The following FAT3 variants were observed in gnomAD, a reference collection of about 807,000 sequenced individuals.
FAT3 encodes protocadherin Fat 3.
FAT3 carries 95 observed loss-of-function variants against 310.2 expected under a neutral mutation model. That is an observed-to-expected ratio of 0.31 (90% CI 0.26 to 0.36). FAT3 has a LOEUF of 0.36. Among genes scored for constraint, FAT3 ranks in the 10% least tolerant of loss-of-function variants. The pLI is 1.00. For missense variants in FAT3, 5,408 were observed against 5,715.6 expected, an observed-to-expected ratio of 0.95 and a Z score of 1.74; for synonymous variants, 2,314 against 2,192.9, an observed-to-expected ratio of 1.06 and a Z score of -1.54.
In FAT3 at chr11:92,800,418, G is replaced by A; in HGVS notation, c.7405G>A (p.Val2469Met). The change falls in exon 10 of 28, where the codon GTG (valine) becomes ATG (methionine). Residue 2469 changes from valine to methionine, a missense_variant. Coordinates refer to ENST00000525166, the MANE Select transcript of FAT3 (RefSeq NM_001367949.2). ...QRMEPLYSLN[V>M]SVSDGLFTST... ...GATGGAGCCTCTGTACAGTCTCAAT[G>A]TGTCTGTCTCTGATGGGTTGTTCAC... The A allele has an allele frequency of 1.2e-6, 2 of 1,613,968 alleles. No individual in the cohort carries two copies. The highest frequency in any genetic ancestry group is 1.3e-5 in the African/African-American group (1 of 75,042).
intron 1 of FAT3, among the ~76,000 whole-genome samples, chr11:92,229,059 CAGACTT>C (rs1353857516): frequency 1.3e-5 from 2 of 152,174 alleles, no homozygotes; most frequent in African/African-American, 4.8e-5. Context: ...AGGGATCTGA[CAGACTT>C]AGAGTGAAGG....
chr11:92,575,503 A>G (rs190755766), intron 3 of FAT3, among the ~76,000 whole-genome samples: 2 of 152,288 alleles, frequency 1.3e-5, no homozygotes, highest in East Asian at 1.9e-4. Context: ...AAGTATATCA[A>G]TCCTCTCTAA....
chr11:92,763,271 C>G (rs545637164), intron 5 of FAT3, among the ~76,000 whole-genome samples: 1 of 152,186 alleles, frequency 6.6e-6, no homozygotes, highest in East Asian at 1.9e-4. Flanking sequence ...TATCCTTTCT[C>G]TCCTGTGGTC....
chr11:92,276,906 TTAAC>T (rs1261008164), intron 1 of FAT3, among the ~76,000 whole-genome samples: 1 of 152,202 alleles, frequency 6.6e-6, no homozygotes, highest in Non-Finnish European at 1.5e-5. Flanking sequence ...ACTAACTTTC[TTAAC>T]TAACCCATTT....
intron 4 of FAT3, among the ~76,000 whole-genome samples, chr11:92,727,545 A>G (rs1460084789): frequency 6.6e-6 from 1 of 152,134 alleles, no homozygotes; most frequent in Non-Finnish European, 1.5e-5. Context: ...TATAATAGAA[A>G]ATGCAGTCTG....
intron 1 of FAT3, among the ~76,000 whole-genome samples, chr11:92,295,736 C>A (rs1446515752): frequency 6.6e-6 from 1 of 152,040 alleles, no homozygotes. Context: ...TGGGATGAAG[C>A]CAGCTGCTTT....
intron 2 of FAT3, among the ~76,000 whole-genome samples, chr11:92,398,458 G>A (rs1591228166): frequency 7.2e-6 from 1 of 138,844 alleles, no homozygotes; most frequent in African/African-American, 2.7e-5. Context: ...CTGGGATGAT[G>A]CCATTGTACT....
intron 22 of FAT3, among the ~76,000 whole-genome samples, chr11:92,870,515 C>G (rs1949359584): frequency 6.6e-6 from 1 of 152,110 alleles, no homozygotes; most frequent in South Asian, 2.1e-4. Flanking sequence ...ATAGCAACCA[C>G]TGTGGAGAAG....
intron 3 of FAT3, among the ~76,000 whole-genome samples, chr11:92,561,574 G>T (rs1389135188): frequency 6.6e-6 from 1 of 151,680 alleles, no homozygotes; most frequent in African/African-American, 2.4e-5. Flanking sequence ...TTTCAAACTG[G>T]CATCAACATT....
intron 1 of FAT3, among the ~76,000 whole-genome samples, chr11:92,321,364 G>A (rs1428864350): frequency 6.6e-6 from 1 of 151,786 alleles, no homozygotes; most frequent in Admixed American, 6.6e-5. Flanking sequence ...GTGAACCCGA[G>A]AGGCGGAGCT....
chr11:92,771,402 A>T (rs1946452138), intron 6 of FAT3, among the ~76,000 whole-genome samples: 1 of 152,080 alleles, frequency 6.6e-6, no homozygotes, highest in African/African-American at 2.4e-5. Context: ...TCGTTTATGA[A>T]ATGGGATGCT....
chr11:92,270,363 A>G (rs1299710505), intron 1 of FAT3, among the ~76,000 whole-genome samples: 1 of 151,792 alleles, frequency 6.6e-6, no homozygotes, highest in Admixed American at 6.6e-5. Flanking sequence ...TAGTGATATC[A>G]TCTAGTCTAC....
intron 2 of FAT3, among the ~76,000 whole-genome samples, chr11:92,446,753 A>G (rs1177638632): frequency 1.3e-5 from 2 of 152,202 alleles, no homozygotes; most frequent in African/African-American, 4.8e-5. Context: ...ACCCTAATGG[A>G]AAAACAGGAT....
At chr11:92,281,801 T>G (rs141876759) in intron 1 of FAT3, among the ~76,000 whole-genome samples, 1 of 152,306 alleles carries the variant, frequency 6.6e-6, no homozygotes, top group East Asian at 1.9e-4. Context: ...GAAATGATTG[T>G]ATGTTTGGAT....
chr11:92,422,241 A>G (rs1201329062), intron 2 of FAT3, among the ~76,000 whole-genome samples: 1 of 151,894 alleles, frequency 6.6e-6, no homozygotes, highest in Non-Finnish European at 1.5e-5. Context: ...TTCCACAACA[A>G]TTTTTCTCCT....
chr11:92,574,645 C>T (rs1838157912), intron 3 of FAT3, among the ~76,000 whole-genome samples: 1 of 152,140 alleles, frequency 6.6e-6, no homozygotes, highest in East Asian at 1.9e-4. Flanking sequence ...ATCGTTTTGG[C>T]TCTTACCTTA....
Position 92,844,473 on chromosome 11 carries a change from G to T in FAT3, c.11106G>T (p.Leu3702=), listed in dbSNP as rs753699461. The T allele has an allele frequency of 3.1e-6, 5 of 1,613,834 alleles. No homozygotes were observed. In the East Asian group the frequency reaches 6.7e-5, roughly 22 times the overall value. The change falls in exon 19 of 28, where the codon CTG becomes CTT. Residue 3702 remains leucine, a synonymous_variant. Coordinates refer to ENST00000525166, the MANE Select transcript of FAT3 (RefSeq NM_001367949.2). ...CAGGCACCAACCAACTGGACATGCT[G>T]TTTGCGGTGGAGATGCACAGCAGCG... The part of the protein sequence containing the change: ...PVAGTNQLDM[L]FAVEMHSSEF...
chr11:92,551,414 T>TTGTTGTGTGTGTGTGTGTGTG (rs35238743), intron 3 of FAT3, among the ~76,000 whole-genome samples: 2 of 128,876 alleles, frequency 1.6e-5, no homozygotes, highest in Non-Finnish European at 3.2e-5. Context: ...TTTTTTTGTT[T>TTGTTGTGTGTGTGTGTGTGTG]TGTGTGTGTG....
rs556384464 is a variant in FAT3 at position 92,781,485 on chromosome 11, A to C, written c.4335+7305A>C. ...GACTGCTTAGGTGGCCTGCTTAGGT[A>C]TACATAGGTAAAGAGATATAAACCT... On this transcript the variant is annotated intron_variant, in intron 7 of 27. Transcript: ENST00000525166. Among the ~76,000 whole-genome samples the C allele has an allele frequency of 1.4e-4, 22 of 152,310 alleles. No individual in the cohort carries two copies. In the East Asian group the frequency reaches 4.2e-3, roughly 29 times the overall value.
Sources: allele counts gnomAD v4.1 joint callset (sites outside exome capture counted in the v4.1 genomes callset), GRCh38; gene constraint gnomAD v4.1.1; transcripts MANE v1.5; gene names NCBI Gene and HGNC (gene_info 2026-07-23, HGNC 2026-07-21).